The following ZDHHC14 variants were observed in gnomAD, a reference collection of about 807,000 sequenced individuals.
ZDHHC14 encodes palmitoyltransferase ZDHHC14.
A neutral mutation model predicts 47.7 loss-of-function variants in ZDHHC14; 16 were observed. The ratio of observed to expected loss-of-function variants is 0.34; its 90% CI spans 0.23 to 0.51. The LOEUF (loss-of-function observed/expected upper bound fraction) is 0.51, where lower values mean the gene tolerates loss of function less well. ZDHHC14 is among the 20% of genes least tolerant of loss of function. The pLI is 0.97. For synonymous variants in ZDHHC14, 293 were observed against 278.9 expected, an observed-to-expected ratio of 1.05 and a Z score of -0.50; for missense variants, 515 against 662.5, an observed-to-expected ratio of 0.78 and a Z score of 2.44.
At chr6:157,605,632 A>C (rs1784509742) in intron 3 of ZDHHC14, among the ~76,000 whole-genome samples, 1 of 152,214 alleles carries the variant, frequency 6.6e-6, no homozygotes, top group Admixed American at 6.5e-5. Flanking sequence ...ATAACGGTTC[A>C]TGGACTTAGA....
At chr6:157,643,785 G>A (rs1265278880) in intron 5 of ZDHHC14, among the ~76,000 whole-genome samples, 1 of 150,790 alleles carries the variant, frequency 6.6e-6, no homozygotes, top group East Asian at 2.0e-4. Flanking sequence ...AGGAGCTGCA[G>A]CCACTTTCAG....
chr6:157,652,284 C>G (rs1777876043), intron 7 of ZDHHC14, among the ~76,000 whole-genome samples: 1 of 152,206 alleles, frequency 6.6e-6, no homozygotes, highest in East Asian at 1.9e-4. Flanking sequence ...CTGTGTTCCA[C>G]AGGACTGACA....
chr6:157,670,077 G>A (rs185367060), intron 8 of ZDHHC14, among the ~76,000 whole-genome samples: 232 of 152,264 alleles, frequency 1.5e-3, no homozygotes, highest in African/African-American at 5.3e-3. Context: ...ATGGGAGAGC[G>A]CCCGCAGCCT....
intron 1 of ZDHHC14, among the ~76,000 whole-genome samples, chr6:157,436,325 C>A (rs950071643): frequency 6.6e-6 from 1 of 152,060 alleles, no homozygotes; most frequent in Non-Finnish European, 1.5e-5. Flanking sequence ...AAATGCTTGC[C>A]ACTGAGTCCA....
intron 1 of ZDHHC14, among the ~76,000 whole-genome samples, chr6:157,474,081 C>G (rs544119553): frequency 1.3e-5 from 2 of 151,740 alleles, no homozygotes; most frequent in African/African-American, 4.8e-5. Context: ...CTCCACCTCC[C>G]GGGTTCAAGC....
intron 3 of ZDHHC14, among the ~76,000 whole-genome samples, chr6:157,611,672 A>C (rs1784755525): frequency 6.6e-6 from 1 of 152,180 alleles, no homozygotes; most frequent in Non-Finnish European, 1.5e-5. Context: ...CCAAGTGCTC[A>C]CCTTATTTCT....
At chr6:157,395,682 T>C (rs999468967) in intron 1 of ZDHHC14, among the ~76,000 whole-genome samples, 1 of 151,820 alleles carries the variant, frequency 6.6e-6, no homozygotes, top group African/African-American at 2.4e-5. Flanking sequence ...TAGTCCCAGA[T>C]ACTCGGAAGG....
At chr6:157,659,144 A>G (rs1778234261) in intron 8 of ZDHHC14, among the ~76,000 whole-genome samples, 1 of 152,230 alleles carries the variant, frequency 6.6e-6, no homozygotes, top group Non-Finnish European at 1.5e-5. Context: ...AGGGAAGCTT[A>G]AGGACTGAAA....
At chr6:157,666,097 C>A (rs1778544604) in intron 8 of ZDHHC14, among the ~76,000 whole-genome samples, 1 of 152,178 alleles carries the variant, frequency 6.6e-6, no homozygotes, top group African/African-American at 2.4e-5. Flanking sequence ...AGTTATGATC[C>A]ACTTTTTAGT....
chr6:157,420,709 C>A (rs1778083617), intron 1 of ZDHHC14, among the ~76,000 whole-genome samples: 1 of 152,226 alleles, frequency 6.6e-6, no homozygotes, highest in African/African-American at 2.4e-5. Flanking sequence ...GAGCATAGGT[C>A]AGAACTTGGT....
At chr6:157,653,872 G>A (rs990224423) in intron 8 of ZDHHC14, among the ~76,000 whole-genome samples, 5 of 152,158 alleles carry the variant, frequency 3.3e-5, no homozygotes, top group African/African-American at 9.7e-5. Flanking sequence ...CCACACACGC[G>A]AGCTGTCTGC....
chr6:157,493,820 C>T (rs1779988604), intron 1 of ZDHHC14, among the ~76,000 whole-genome samples: 1 of 152,252 alleles, frequency 6.6e-6, no homozygotes, highest in African/African-American at 2.4e-5. Flanking sequence ...AATCCCCGCC[C>T]TTGGCTGTGG....
intron 1 of ZDHHC14, among the ~76,000 whole-genome samples, chr6:157,425,859 G>T (rs1350971415): frequency 1.3e-5 from 2 of 152,146 alleles, no homozygotes; most frequent in Non-Finnish European, 2.9e-5. Flanking sequence ...GCCAACCTTA[G>T]AACCCTTGGA....
intron 5 of ZDHHC14, among the ~76,000 whole-genome samples, chr6:157,645,277 G>A (rs1287643711): frequency 1.3e-5 from 2 of 152,146 alleles, no homozygotes; most frequent in Non-Finnish European, 2.9e-5. Flanking sequence ...TGGCACTGCA[G>A]TCCTCAGCAT....
chr6:157,408,124 T>C (rs1032239272), intron 1 of ZDHHC14, among the ~76,000 whole-genome samples: 3 of 152,156 alleles, frequency 2.0e-5, no homozygotes, highest in Non-Finnish European at 2.9e-5. Context: ...TATACATCAG[T>C]TTTAGCTAGG....
chr6:157,601,304 T>C (rs771643083), intron 3 of ZDHHC14, among the ~76,000 whole-genome samples: 3 of 152,242 alleles, frequency 2.0e-5, no homozygotes, highest in Non-Finnish European at 4.4e-5. Flanking sequence ...TTAGGATGTC[T>C]AGTATCATTA....
chr6:157,596,460 T>C (rs1156810410), intron 3 of ZDHHC14, among the ~76,000 whole-genome samples: 1 of 152,162 alleles, frequency 6.6e-6, no homozygotes, highest in East Asian at 1.9e-4. Flanking sequence ...AAATGCAGCT[T>C]CCCAGGCCGT....
intron 1 of ZDHHC14, among the ~76,000 whole-genome samples, chr6:157,426,742 A>T (rs1778229323): frequency 6.6e-6 from 1 of 152,158 alleles, no homozygotes; most frequent in Admixed American, 6.5e-5. Flanking sequence ...TGGAAGCCGC[A>T]CTAGGAGGGA....
chr6:157,525,580 A>G (rs1781125592), intron 1 of ZDHHC14, among the ~76,000 whole-genome samples: 1 of 152,048 alleles, frequency 6.6e-6, no homozygotes. Context: ...TAATCTTGGA[A>G]GTGACACCCC....
Sources: gnomAD v4.1 joint callset for allele counts (sites outside exome capture counted in the v4.1 genomes callset) on GRCh38, gnomAD v4.1.1 for gene constraint, MANE v1.5 for transcripts, NCBI Gene and HGNC (gene_info 2026-07-23, HGNC 2026-07-21) for gene names.